Variants in NCOA6 observed in about 807,000 individuals in gnomAD.
The protein encoded by NCOA6 is nuclear receptor coactivator 6, also known as NRC RAP250.
In NCOA6, 49 loss-of-function variants were observed where a neutral mutation model predicts 171.4. The observed-to-expected ratio is 0.29, with a 90% CI of 0.23 to 0.36. NCOA6 has a LOEUF of 0.36. NCOA6 is among the 10% of genes least tolerant of loss of function. The pLI is 1.00. For synonymous variants in NCOA6, 910 were observed against 927.5 expected (o/e 0.98, Z 0.34); for missense variants, 2,248 against 2,554.5 (o/e 0.88, Z 2.59).
intron 4 of NCOA6, among the ~76,000 whole-genome samples, chr20:34,771,278 C>T (rs1299289245): frequency 1.3e-5 from 2 of 151,932 alleles, no homozygotes; most frequent in Non-Finnish European, 2.9e-5. Flanking sequence ...TGCCAACATG[C>T]CTGGCTAATT....
chr20:34,809,436 C>T, intron 1 of NCOA6: 1 of 398,436 alleles, frequency 2.5e-6, no homozygotes. Flanking sequence ...TTCATGTATT[C>T]TACAGAATCA....
chr20:34,733,946 C>T lies in NCOA6; in HGVS notation c.5963-1351G>A, dbSNP rs143427258. Among the ~76,000 whole-genome samples, 104 of 151,734 alleles carry T rather than the reference C, an allele frequency of 6.9e-4. 2 individuals carry two copies. Among genetic ancestry groups the T allele is most frequent in the African/African-American group, 2.2e-3 (92 of 41,376 alleles). The stretch of plus-strand genomic sequence containing the variant: ...TTTGTACCCACAAAGCCTGAAAACC[C>T]ATCCACAAAAAATAGATACCAATTC... On this transcript the variant is annotated intron_variant, in intron 12 of 14. Transcript: ENST00000359003.
intron 1 of NCOA6, among the ~76,000 whole-genome samples, chr20:34,817,841 A>C (rs1316351805): frequency 6.6e-6 from 1 of 152,156 alleles, no homozygotes; most frequent in East Asian, 1.9e-4. Flanking sequence ...TACACTTCAC[A>C]ATCAGGCTTC....
rs1489820780 is a variant in NCOA6, at chr20:34,742,986, T to C, written c.3270A>G (p.Pro1090=). ...VSLQGPASVP[P]SPDKQRMPMP... Reference sequence around the variant, plus strand: ...TTGGCATTCTTTGTTTATCAGGTGATGGTGGCACGGAGGCAGGTCCTTGCA... The same window carrying C: ...TTGGCATTCTTTGTTTATCAGGTGACGGTGGCACGGAGGCAGGTCCTTGCA... Residue 1090 remains proline, a synonymous_variant, in exon 11 of 15, where the codon CCA becomes CCG. Coordinates refer to ENST00000359003, the MANE Select transcript of NCOA6 (RefSeq NM_014071.5). 1 of 1,613,680 alleles carries C rather than the reference T, an allele frequency of 6.2e-7. No individual in the cohort carries two copies. The highest frequency in any genetic ancestry group is 2.2e-5 in the East Asian group (1 of 44,872).
At chr20:34,759,654 CTGTTA>C (rs1230614963) in intron 5 of NCOA6, among the ~76,000 whole-genome samples, 3 of 152,086 alleles carry the variant, frequency 2.0e-5, no homozygotes, top group African/African-American at 7.2e-5. Flanking sequence ...TCTCTCTTGA[CTGTTA>C]TAAGGGTTCC....
intron 2 of NCOA6, among the ~76,000 whole-genome samples, chr20:34,789,560 C>A (rs1342969655): frequency 6.6e-6 from 1 of 152,094 alleles, no homozygotes; most frequent in East Asian, 1.9e-4. Flanking sequence ...ACGGCTTGAG[C>A]TCAGGCTTTT....
At chr20:34,776,570 G>C (rs1175814223) in intron 3 of NCOA6, 122 bp from the exon 4 acceptor site, 1 of 1,134,166 alleles carries the variant, frequency 8.8e-7, no homozygotes, top group Non-Finnish European at 1.3e-6. Flanking sequence ...ATAGCTAACA[G>C]AGCATATGCT....
At chr20:34,731,966 T>C (rs1210500234) in intron 13 of NCOA6, among the ~76,000 whole-genome samples, 9 of 152,150 alleles carry the variant, frequency 5.9e-5, no homozygotes, top group African/African-American at 1.9e-4. Flanking sequence ...GGTTGCAGTG[T>C]GCCGAGATCG....
chr20:34,808,130 C>T (rs62211615), intron 1 of NCOA6, among the ~76,000 whole-genome samples: 1 of 150,964 alleles, frequency 6.6e-6, no homozygotes, highest in African/African-American at 2.4e-5. Context: ...AGCCTGGTAA[C>T]AGAGCGAGAT....
chr20:34,804,000 C>T (rs1171844405), intron 1 of NCOA6, among the ~76,000 whole-genome samples: 1 of 146,016 alleles, frequency 6.8e-6, no homozygotes, highest in Non-Finnish European at 1.5e-5. Flanking sequence ...AACAAAAAAC[C>T]GTCATCACAG....
chr20:34,809,522 C>T (rs1356522876), intron 1 of NCOA6: 1 of 398,460 alleles, frequency 2.5e-6, no homozygotes, highest in East Asian at 3.6e-5. Flanking sequence ...CCTCCCAGGA[C>T]CTAAACAAAA....
chr20:34,814,992 G>T (rs2078786070), intron 1 of NCOA6, among the ~76,000 whole-genome samples: 1 of 152,136 alleles, frequency 6.6e-6, no homozygotes, highest in African/African-American at 2.4e-5. Flanking sequence ...CACAAATAAA[G>T]AAAGCACCTG....
In NCOA6 at chr20:34,742,714, GGAGTTGCACCTT is replaced by G. The variant is rs769501146; in HGVS notation, c.3530_3541del (p.Gln1177_Thr1180del). 7 of 1,614,148 alleles carry G rather than the reference GGAGTTGCACCTT, an allele frequency of 4.3e-6. No homozygotes were observed. Among genetic ancestry groups the G allele is most frequent in the Non-Finnish European group, 5.9e-6 (7 of 1,180,024 alleles). On this transcript the variant is annotated inframe_deletion, in exon 11 of 15. Coordinates refer to ENST00000359003, the MANE Select transcript of NCOA6 (RefSeq NM_014071.5). ...CAGGGAATTTACAGGGGGTTGCTGG[GGAGTTGCACCTT>G]GAGTTGCTGAAAGGGGCGATGGTCC...
intron 14 of NCOA6, among the ~76,000 whole-genome samples, chr20:34,725,583 C>G (rs1025927903): frequency 1.3e-5 from 2 of 152,184 alleles, no homozygotes; most frequent in African/African-American, 2.4e-5. Flanking sequence ...AGCTTTTGGA[C>G]TTTAATCCTA....
chr20:34,747,912 G>A (rs1189062521), intron 9 of NCOA6, among the ~76,000 whole-genome samples: 1 of 152,038 alleles, frequency 6.6e-6, no homozygotes. Context: ...CAGATATCTG[G>A]TCCAGCCCCA....
At position 34,727,292 on chromosome 20, in the gene NCOA6, A is replaced by T; in HGVS notation, c.6115T>A (p.Ser2039Thr). Residue 2039 changes from serine (S) to threonine (T), a missense_variant, in exon 14 of 15, where the codon TCT (serine) becomes ACT (threonine). Coordinates refer to ENST00000359003, the MANE Select transcript of NCOA6 (RefSeq NM_014071.5). ...SVENGHRKRS[S>T]RPASASSSTK... is the part of the protein sequence containing the mutation. ...GAGCTGGAGGCTGAAGCAGGTCGAG[A>T]AGATCGTTTACGATGTCCATTTTCC... 1 of 1,614,214 alleles carries T rather than the reference A, an allele frequency of 6.2e-7. No homozygotes were observed. Among genetic ancestry groups the T allele is most frequent in the African/African-American group, 1.3e-5 (1 of 75,054 alleles).
intron 5 of NCOA6, among the ~76,000 whole-genome samples, chr20:34,767,363 T>C (rs1456278589): frequency 6.6e-6 from 1 of 152,132 alleles, no homozygotes; most frequent in African/African-American, 2.4e-5. Context: ...GGGTGCGATC[T>C]CGGCTCACTG....
In NCOA6 at chr20:34,750,094, G is replaced by T; in HGVS notation, c.2101C>A (p.Pro701Thr). 1 of 1,614,150 alleles carries T rather than the reference G, an allele frequency of 6.2e-7. No individual in the cohort carries two copies. The highest frequency in any genetic ancestry group is 2.2e-5 in the East Asian group (1 of 44,886). The change falls in exon 9 of 15, where the codon CCT becomes ACT. Residue 701 changes from proline to threonine, a missense_variant. Physicochemically the swap from Pro to Thr is conservative, Grantham distance 38. This residue lies in a region of NCOA6 where 987 missense variants were observed against 1,104.7 expected (regional missense o/e 0.89). Coordinates refer to ENST00000359003, the MANE Select transcript of NCOA6 (RefSeq NM_014071.5). ...MMAPHNQMMG[P>T]QGQVLLQQNP... Reference sequence around the variant, plus strand: ...TGTTGGAGCAAAACCTGCCCCTGAGGCCCCATCATCTGGTTATGTGGCGCC... The same window carrying T: ...TGTTGGAGCAAAACCTGCCCCTGAGTCCCCATCATCTGGTTATGTGGCGCC...
chr20:34,811,224 T>C lies in NCOA6; in HGVS notation c.-164+14248A>G, dbSNP rs2065627666. Among the ~76,000 whole-genome samples, 25 of 135,372 alleles carry C rather than the reference T, an allele frequency of 1.8e-4. 1 individual carries two copies. Among genetic ancestry groups the C allele is most frequent in the Admixed American group, 1.8e-3 (25 of 13,816 alleles). The allele number at this position is 135,372 out of a possible 152,430, so 88.8% of individuals were successfully genotyped here. A position where few individuals can be genotyped will look rare whatever the true frequency, so the allele number is the denominator to read the frequency against. On this transcript the variant is annotated intron_variant, in intron 1 of 14. Transcript: ENST00000359003. ...GTGTATATATATATATATATATATA[T>C]ATATATATATATGCTTTCAAAATGC...
Sources: gnomAD v4.1 joint callset for allele counts (sites outside exome capture counted in the v4.1 genomes callset) on GRCh38, gnomAD v4.1.1 for gene constraint, gnomAD v4.1.1 regional missense constraint, MANE v1.5 for transcripts, NCBI Gene and HGNC (gene_info 2026-07-23, HGNC 2026-07-21) for gene names.